The following KCNIP1 variants were observed in gnomAD, a reference collection of about 807,000 sequenced individuals.
The protein encoded by KCNIP1 is A-type potassium channel modulatory protein KCNIP1.
KCNIP1 carries 18 observed loss-of-function variants against 33.0 expected under a neutral mutation model. That is an observed-to-expected ratio of 0.55 (90% CI 0.38 to 0.81). KCNIP1 has a LOEUF of 0.81. Among genes scored for constraint, KCNIP1 ranks in the 30% least tolerant of loss-of-function variants. The probability of loss-of-function intolerance (pLI) is 0.00; values close to 1 mark genes in which losing one functional copy is unlikely to be tolerated. For missense variants in KCNIP1, 238 were observed against 271.6 expected, an observed-to-expected ratio of 0.88 and a Z score of 0.87; for synonymous variants, 93 against 98.3, an observed-to-expected ratio of 0.95 and a Z score of 0.32.
At chr5:170,427,152 A>G (rs913846227) in intron 1 of KCNIP1, among the ~76,000 whole-genome samples, 1 of 152,196 alleles carries the variant, frequency 6.6e-6, no homozygotes. Context: ...TCACCTGCCA[A>G]ATGGAAATAA....
At chr5:170,610,630 C>T (rs754679707) in intron 1 of KCNIP1, among the ~76,000 whole-genome samples, 1 of 152,180 alleles carries the variant, frequency 6.6e-6, no homozygotes, top group Non-Finnish European at 1.5e-5. Context: ...CCCTTAATTC[C>T]CTCCCTCTGC....
At chr5:170,369,280 C>T (rs1764621257) in intron 1 of KCNIP1, among the ~76,000 whole-genome samples, 1 of 152,210 alleles carries the variant, frequency 6.6e-6, no homozygotes. Flanking sequence ...TTGTTTCCTA[C>T]AGTTGCCCAG....
At chr5:170,390,913 T>C (rs1754565776) in intron 1 of KCNIP1, among the ~76,000 whole-genome samples, 1 of 152,124 alleles carries the variant, frequency 6.6e-6, no homozygotes. Flanking sequence ...TCCTCCCTCC[T>C]GCCTCCAGCA....
chr5:170,723,376 A>G (rs1763897827), intron 5 of KCNIP1, among the ~76,000 whole-genome samples: 1 of 152,124 alleles, frequency 6.6e-6, no homozygotes, highest in Non-Finnish European at 1.5e-5. Flanking sequence ...CTCAGAGGAC[A>G]TGTCTCTAGC....
chr5:170,361,455 T>C (rs1462755947), intron 1 of KCNIP1, among the ~76,000 whole-genome samples: 1 of 152,168 alleles, frequency 6.6e-6, no homozygotes, highest in Non-Finnish European at 1.5e-5. Context: ...AACACAAAGC[T>C]AACCTTGGTC....
chr5:170,550,456 ATGATGATGATGG>A (rs923022249), intron 1 of KCNIP1, among the ~76,000 whole-genome samples: 17 of 151,994 alleles, frequency 1.1e-4, no homozygotes, highest in African/African-American at 4.1e-4. Flanking sequence ...GATGATGGCA[ATGATGATGATGG>A]TGATGATGAT....
At chr5:170,362,981 G>T (rs1229505240) in intron 1 of KCNIP1, among the ~76,000 whole-genome samples, 1 of 152,180 alleles carries the variant, frequency 6.6e-6, no homozygotes, top group East Asian at 1.9e-4. Context: ...GATTAACTCT[G>T]CCCAGGCCTC....
intron 1 of KCNIP1, chr5:170,383,952 C>A: frequency 8.1e-7 from 1 of 1,232,494 alleles, no homozygotes; most frequent in Admixed American, 2.2e-5. Flanking sequence ...TAGAGGGATC[C>A]AGGACTGGGA....
rs1763718213 is a variant in KCNIP1 at position 170,718,825 on chromosome 5, G to A, written c.129G>A (p.Glu43=). 1.2e-6 allele frequency: 2 copies of A among 1,609,700 alleles called. No individual in the cohort carries two copies. Among genetic ancestry groups the A allele is most frequent in the African/African-American group, 1.3e-5 (1 of 74,248 alleles). ...GGCCCGAGGGACTGGAGCAGCTCGA[G>A]GCCCAGACCAACTTCACCAAGAGGG... The part of the protein sequence containing the change: ...CHRPEGLEQL[E]AQTNFTKREL... The change falls in exon 2 of 8, where the codon GAG becomes GAA. Residue 43 remains glutamate, a synonymous_variant. Coordinates refer to ENST00000328939, the MANE Select transcript of KCNIP1 (RefSeq NM_014592.4).
In KCNIP1 at chr5:170,609,943, A is replaced by G. The variant is rs139563726; in HGVS notation, c.61+105310A>G. Reference sequence around the variant, plus strand: ...TGACAAATGGAAAAATGCAAGAAAAAAAAGGAAGCTGGACATAAAGCTAGA... The same window carrying G: ...TGACAAATGGAAAAATGCAAGAAAAGAAAGGAAGCTGGACATAAAGCTAGA... On this transcript the variant is annotated intron_variant, in intron 1 of 7. Transcript: ENST00000328939. 2.7e-3 allele frequency among the ~76,000 whole-genome samples: 412 copies of G among 152,366 alleles called. 3 individuals are homozygous for G. Among genetic ancestry groups the G allele is most frequent in the African/African-American group, 9.4e-3 (390 of 41,590 alleles).
chr5:170,515,998 G>T (rs909351674), intron 1 of KCNIP1, among the ~76,000 whole-genome samples: 1 of 152,150 alleles, frequency 6.6e-6, no homozygotes, highest in Admixed American at 6.5e-5. Flanking sequence ...CAACAAGAAG[G>T]GGAAAGAAAT....
At chr5:170,628,094 G>A (rs1230104090) in intron 1 of KCNIP1, among the ~76,000 whole-genome samples, 1 of 152,214 alleles carries the variant, frequency 6.6e-6, no homozygotes, top group Non-Finnish European at 1.5e-5. Flanking sequence ...CAGAGACGAA[G>A]TGACAGAGAC....
intron 1 of KCNIP1, among the ~76,000 whole-genome samples, chr5:170,399,253 CT>C (rs1756299086): frequency 6.6e-6 from 1 of 152,160 alleles, no homozygotes; most frequent in African/African-American, 2.4e-5. Flanking sequence ...CTGGGAGATG[CT>C]CTGTATGGCC....
At chr5:170,607,568 C>T (rs1176171047) in intron 1 of KCNIP1, among the ~76,000 whole-genome samples, 2 of 152,152 alleles carry the variant, frequency 1.3e-5, no homozygotes, top group Non-Finnish European at 2.9e-5. Flanking sequence ...CTGAGGTGAA[C>T]CCCAAATCTG....
At chr5:170,658,384 C>A (rs1761351356) in intron 1 of KCNIP1, among the ~76,000 whole-genome samples, 1 of 152,160 alleles carries the variant, frequency 6.6e-6, no homozygotes, top group Non-Finnish European at 1.5e-5. Flanking sequence ...CTCCTAAAAA[C>A]CCACCAGTCC....
At chr5:170,443,325 C>T (rs1256711899) in intron 1 of KCNIP1, among the ~76,000 whole-genome samples, 1 of 151,892 alleles carries the variant, frequency 6.6e-6, no homozygotes. Context: ...GTGAACACCC[C>T]ACAGTTCCAA....
intron 1 of KCNIP1, among the ~76,000 whole-genome samples, chr5:170,577,805 C>T (rs186803863): frequency 1.4e-3 from 207 of 152,256 alleles, no homozygotes; most frequent in African/African-American, 4.8e-3. Flanking sequence ...TGAAGTGTTA[C>T]TTACAACAGC....
chr5:170,589,840 G>A (rs934849260), intron 1 of KCNIP1, among the ~76,000 whole-genome samples: 2 of 152,086 alleles, frequency 1.3e-5, no homozygotes, highest in African/African-American at 4.8e-5. Context: ...GGTTGAGGCT[G>A]GCCTTAGGAG....
At chr5:170,469,353 C>A (rs116615684) in intron 1 of KCNIP1, among the ~76,000 whole-genome samples, 8,065 of 152,222 alleles carry the variant, frequency 0.053, 413 homozygotes, top group African/African-American at 0.12. Flanking sequence ...CATGATCACG[C>A]CCTGCACTCC....
Sources: gnomAD v4.1 joint callset for allele counts (sites outside exome capture counted in the v4.1 genomes callset) on GRCh38, gnomAD v4.1.1 for gene constraint, MANE v1.5 for transcripts, NCBI Gene and HGNC (gene_info 2026-07-23, HGNC 2026-07-21) for gene names.